LARP4B: variants seen among roughly 807,000 people sequenced by gnomAD.
LARP4B encodes La ribonucleoprotein 4B.
LARP4B carries 12 observed loss-of-function variants against 89.8 expected under a neutral mutation model. The observed-to-expected ratio is 0.13, with a 90% confidence interval of 0.09 to 0.22. The LOEUF (loss-of-function observed/expected upper bound fraction) is 0.22, where lower values mean the gene tolerates loss of function less well. Ranked by LOEUF, LARP4B falls within the 10% of genes least tolerant of loss-of-function variation. The pLI, the probability that LARP4B is intolerant of heterozygous loss-of-function variation, is 1.00. For synonymous variants in LARP4B, 367 were observed against 363.3 expected (o/e 1.01, Z -0.12); for missense variants, 757 against 947.7 (o/e 0.80, Z 2.64).
Position 909,260 on chromosome 10 carries a change from A to C in LARP4B, c.-40+22168T>G, listed in dbSNP as rs189392698. 9.4e-3 allele frequency among the ~76,000 whole-genome samples: 1,346 copies of C among 143,292 alleles called. 15 individuals carry two copies. Among genetic ancestry groups the C allele is most frequent in the African/African-American group, 0.026 (994 of 38,202 alleles). The allele number at this position is 143,292 out of a possible 152,430, so 94.0% of individuals were successfully genotyped here. ...GGTGAGCCGAGATCGCGCCACTGCA[A>C]TCCAGCCTGGGCGACAGAGCACGAC... On this transcript the variant is annotated intron_variant, in intron 1 of 17. Coordinates refer to ENST00000316157, the MANE Select transcript of LARP4B (RefSeq NM_015155.3).
intron 3 of LARP4B, among the ~76,000 whole-genome samples, chr10:866,985 G>C (rs1052989815): frequency 1.3e-5 from 2 of 152,200 alleles, no homozygotes; most frequent in African/African-American, 4.8e-5. Context: ...ATTCAGTAGG[G>C]AGGTGCTCAA....
intron 1 of LARP4B, among the ~76,000 whole-genome samples, chr10:886,758 C>T (rs1443903804): frequency 6.6e-6 from 1 of 152,156 alleles, no homozygotes; most frequent in Non-Finnish European, 1.5e-5. Flanking sequence ...GTGAAAGTTA[C>T]TATCTTAAAA....
rs1378235495 is a variant in LARP4B at position 810,026 on chromosome 10, G to A, written c.*2900C>T. ...AACGACGACTCCACTTGAAATTCATGTCTGGTGAAACGGGACCAGGTTTTT... is the reference window on the plus strand; with the variant it reads ...AACGACGACTCCACTTGAAATTCATATCTGGTGAAACGGGACCAGGTTTTT... On this transcript the variant is annotated 3_prime_UTR_variant, in exon 18 of 18. Coordinates refer to ENST00000316157, the MANE Select transcript of LARP4B (RefSeq NM_015155.3). 2 of 152,256 alleles carry A rather than the reference G, an allele frequency of 1.3e-5. No homozygotes were observed. Among genetic ancestry groups the A allele is most frequent in the East Asian group, 1.9e-4 (1 of 5,202 alleles). 9.4% of individuals were successfully genotyped at this position (152,256 alleles called of 1,614,324 possible).
At chr10:921,827 G>A (rs568661973) in intron 1 of LARP4B, among the ~76,000 whole-genome samples, 2 of 152,270 alleles carry the variant, frequency 1.3e-5, no homozygotes, top group South Asian at 4.2e-4. Flanking sequence ...AAATTCATCG[G>A]TGTGTACAAA....
At chr10:987,123 T>C in the LARP4B span, 2 of 145,964 alleles carry the variant, frequency 1.4e-5, no homozygotes, top group African/African-American at 4.9e-5. Flanking sequence ...GAGCATAGCT[T>C]TGCTAATCTC....
chr10:965,103 G>A, the LARP4B span, among the ~76,000 whole-genome samples: 13 of 152,324 alleles, frequency 8.5e-5, no homozygotes, highest in African/African-American at 2.4e-4. Context: ...AGGTCCTCGC[G>A]GCTCAGCACC....
At chr10:952,303 G>A in the LARP4B span, among the ~76,000 whole-genome samples, 84 of 126,048 alleles carry the variant, frequency 6.7e-4, 1 homozygote, top group Admixed American at 3.2e-3. Context: ...TCAAGATGCT[G>A]CACTCCAGCC....
At chr10:833,838 G>A (rs942803704) in intron 8 of LARP4B, among the ~76,000 whole-genome samples, 16 of 147,542 alleles carry the variant, frequency 1.1e-4, no homozygotes, top group African/African-American at 3.3e-4. Context: ...GCAGTGAGCT[G>A]AGATCACACC....
the LARP4B span, among the ~76,000 whole-genome samples, chr10:944,122 C>T: frequency 6.6e-6 from 1 of 152,156 alleles, no homozygotes; most frequent in African/African-American, 2.4e-5. Flanking sequence ...AAGTACTGAA[C>T]ATTGGCTGCA....
At chr10:887,161 A>T (rs991889115) in intron 1 of LARP4B, among the ~76,000 whole-genome samples, 1 of 152,166 alleles carries the variant, frequency 6.6e-6, no homozygotes, top group Non-Finnish European at 1.5e-5. Flanking sequence ...GAAGAGATCA[A>T]TGTCAAAGGG....
chr10:956,567 G>A, the LARP4B span, among the ~76,000 whole-genome samples: 1,555 of 152,116 alleles, frequency 0.01, 28 homozygotes, highest in African/African-American at 0.035. The surrounding 1 kb of genome is among the most constrained non-coding windows in gnomAD (Gnocchi z 4.3). Context: ...GGATGGTCTC[G>A]ATCTCCTGAC....
chr10:862,632 C>A (rs1487738650), intron 5 of LARP4B, among the ~76,000 whole-genome samples: 2 of 152,022 alleles, frequency 1.3e-5, no homozygotes, highest in Non-Finnish European at 2.9e-5. Flanking sequence ...TGGTGGCAGA[C>A]GCCTGTAGTC....
intron 11 of LARP4B, among the ~76,000 whole-genome samples, chr10:828,983 A>G (rs890673526): frequency 2.6e-5 from 4 of 152,218 alleles, no homozygotes; most frequent in Non-Finnish European, 5.9e-5. Flanking sequence ...TGCTGGTGAG[A>G]AGTGAGTAAA....
At chr10:889,303 A>G (rs1673851312) in intron 1 of LARP4B, among the ~76,000 whole-genome samples, 1 of 152,128 alleles carries the variant, frequency 6.6e-6, no homozygotes, top group South Asian at 2.1e-4. Context: ...GCCACAGCCT[A>G]TCCCAGCAGC....
At chr10:911,774 G>C (rs768183056) in intron 1 of LARP4B, among the ~76,000 whole-genome samples, 1 of 152,108 alleles carries the variant, frequency 6.6e-6, no homozygotes, top group East Asian at 1.9e-4. Flanking sequence ...TTTGCATTGC[G>C]CTGTCCAATT....
intron 5 of LARP4B, among the ~76,000 whole-genome samples, chr10:862,495 T>C (rs146630046): frequency 1.1e-3 from 174 of 152,100 alleles, no homozygotes; most frequent in African/African-American, 4.0e-3. Context: ...TTAAGAACAA[T>C]TGTGGTAATA....
At chr10:836,884 G>C (rs1305634570) in intron 7 of LARP4B, among the ~76,000 whole-genome samples, 1 of 152,180 alleles carries the variant, frequency 6.6e-6, no homozygotes, top group Non-Finnish European at 1.5e-5. Flanking sequence ...GTCGTGCACT[G>C]TTTACATTAG....
chr10:907,986 A>G (rs1418895919), intron 1 of LARP4B, among the ~76,000 whole-genome samples: 1 of 152,212 alleles, frequency 6.6e-6, no homozygotes, highest in East Asian at 1.9e-4. Context: ...CAGGTGCATC[A>G]CCTGAGGTTA....
intron 6 of LARP4B, among the ~76,000 whole-genome samples, chr10:844,326 G>C (rs1271550957): frequency 3.3e-5 from 5 of 152,194 alleles, no homozygotes; most frequent in African/African-American, 4.8e-5. Context: ...AACAGCATGG[G>C]CATGGGGAGG....
Sources: allele counts gnomAD v4.1 joint callset (sites outside exome capture counted in the v4.1 genomes callset), GRCh38; gene constraint gnomAD v4.1.1; non-coding constraint Gnocchi (gnomAD v3.1); transcripts MANE v1.5; gene names NCBI Gene and HGNC (gene_info 2026-07-23, HGNC 2026-07-21).